MRTFB: variants seen among roughly 807,000 people sequenced by gnomAD.
MRTFB encodes myocardin related transcription factor B.
Under a neutral mutation model 104.2 loss-of-function variants are expected in MRTFB, and 29 were observed. The observed-to-expected ratio is 0.28, with a 90% CI of 0.21 to 0.38. MRTFB has a LOEUF of 0.38. MRTFB is among the 10% of genes least tolerant of loss of function. The pLI, the probability that MRTFB is intolerant of heterozygous loss-of-function variation, is 1.00. For synonymous variants in MRTFB, 535 were observed against 519.5 expected, an observed-to-expected ratio of 1.03 and a Z score of -0.41; for missense variants, 1,270 against 1,341.6, an observed-to-expected ratio of 0.95 and a Z score of 0.83.
Position 14,249,305 on chromosome 16 carries a change from C to T in MRTFB, c.2403+224C>T, listed in dbSNP as rs185945990. ...TCATTACTGAAAGATAGCTCGCCTT[C>T]GCAGTTAACCCCTTTTCCAAGGGAA... On this transcript the variant is annotated intron_variant, in intron 13 of 16. Transcript: ENST00000571589. 1.4e-3 allele frequency among the ~76,000 whole-genome samples: 212 copies of T among 152,286 alleles called. 1 individual carries two copies. Among genetic ancestry groups the T allele is most frequent in the African/African-American group, 4.4e-3 (182 of 41,554 alleles).
intron 3 of MRTFB, among the ~76,000 whole-genome samples, chr16:14,184,550 C>G (rs2039879792): frequency 6.6e-6 from 1 of 150,770 alleles, no homozygotes; most frequent in South Asian, 2.1e-4. Context: ...ATGTGTAGAT[C>G]AGGAAAATAA....
chr16:14,205,902 CATG>C (rs1400913380), intron 3 of MRTFB, among the ~76,000 whole-genome samples: 7 of 152,210 alleles, frequency 4.6e-5, no homozygotes, highest in African/African-American at 1.7e-4. Context: ...AGTTTTGACA[CATG>C]AGGCCATTGC....
At chr16:14,045,723 T>A in the MRTFB span, among the ~76,000 whole-genome samples, 1 of 152,230 alleles carries the variant, frequency 6.6e-6, no homozygotes, top group Admixed American at 6.5e-5. Flanking sequence ...GGAAATGACA[T>A]TAACCTCTGT....
At chr16:14,245,495 A>C (rs779670076) in intron 10 of MRTFB, 33 bp from the exon 11 acceptor site, 88 of 1,574,494 alleles carry the variant, frequency 5.6e-5, no homozygotes, top group Non-Finnish European at 7.1e-5. Flanking sequence ...AAATTATTTT[A>C]TTATAAACTC....
At chr16:14,195,879 A>C (rs2040410474) in intron 3 of MRTFB, among the ~76,000 whole-genome samples, 3 of 152,378 alleles carry the variant, frequency 2.0e-5, no homozygotes, top group African/African-American at 7.2e-5. Context: ...GGAATTTAGA[A>C]CTTTAAGGAT....
chr16:14,191,411 C>T (rs2040177550), intron 3 of MRTFB, among the ~76,000 whole-genome samples: 1 of 152,238 alleles, frequency 6.6e-6, no homozygotes, highest in African/African-American at 2.4e-5. Flanking sequence ...TTGATCCCAT[C>T]AGCTAATGAT....
At chr16:14,185,814 G>T (rs1362528813) in intron 3 of MRTFB, among the ~76,000 whole-genome samples, 2 of 152,164 alleles carry the variant, frequency 1.3e-5, no homozygotes, top group Non-Finnish European at 2.9e-5. Context: ...GATTATTTTG[G>T]CTACAGAGGT....
At chr16:14,129,524 G>T (rs1329075114) in intron 2 of MRTFB, among the ~76,000 whole-genome samples, 2 of 152,178 alleles carry the variant, frequency 1.3e-5, no homozygotes, top group African/African-American at 4.8e-5. Context: ...CAAATTTTCA[G>T]ATGGACATAT....
chr16:14,107,957 G>A (rs749535561), intron 2 of MRTFB, among the ~76,000 whole-genome samples: 3 of 152,130 alleles, frequency 2.0e-5, no homozygotes, highest in Non-Finnish European at 4.4e-5. Flanking sequence ...CTGAACTTTC[G>A]TTTCAGATAT....
chr16:14,029,420 ATAT>A, the MRTFB span, among the ~76,000 whole-genome samples: 13 of 41,690 alleles, frequency 3.1e-4, no homozygotes, highest in Non-Finnish European at 4.4e-4. Flanking sequence ...AAAAAAAAAA[ATAT>A]ATATATATAT....
chr16:14,067,580 C>T (rs1035812710), upstream of MRTFB, among the ~76,000 whole-genome samples: 11 of 152,076 alleles, frequency 7.2e-5, no homozygotes, highest in Non-Finnish European at 1.3e-4. Flanking sequence ...ATTTTTTCTT[C>T]GCTTTTATTT....
At chr16:14,157,476 G>A (rs1204838386) in intron 3 of MRTFB, among the ~76,000 whole-genome samples, 2 of 152,220 alleles carry the variant, frequency 1.3e-5, no homozygotes. Flanking sequence ...CTTGGGCCTA[G>A]TGGTTTAAGG....
the MRTFB span, among the ~76,000 whole-genome samples, chr16:14,057,791 G>C: frequency 6.6e-6 from 1 of 152,214 alleles, no homozygotes; most frequent in Non-Finnish European, 1.5e-5. Context: ...AGGCAAGATT[G>C]GCTCACTCTG....
rs1279731997 is a variant in MRTFB at position 14,261,089 on chromosome 16, T to C, written c.2945T>C (p.Leu982Pro). 1 of 1,614,132 alleles carries C rather than the reference T, an allele frequency of 6.2e-7. No homozygotes were observed. The highest frequency in any genetic ancestry group is 2.2e-5 in the East Asian group (1 of 44,876). ...TTATCTGCCAGCTTAGAGAACCAACTAGAAGCTTTCTTGGATGGAACTTTA... is the reference window on the plus strand; with the variant it reads ...TTATCTGCCAGCTTAGAGAACCAACCAGAAGCTTTCTTGGATGGAACTTTA... ...GSLSASLENQ[L>P]EAFLDGTLPS... Residue 982 changes from leucine to proline, a missense_variant, in exon 17 of 17, where the codon CTA becomes CCA. Around this residue, in one of 3 missense-constraint regions of MRTFB, gnomAD observed 1,144 missense variants for 1,131.5 expected, o/e 1.01. Transcript: ENST00000571589.
At chr16:14,104,240 C>T (rs1447093992) in intron 2 of MRTFB, among the ~76,000 whole-genome samples, 1 of 152,100 alleles carries the variant, frequency 6.6e-6, no homozygotes, top group Non-Finnish European at 1.5e-5. Context: ...TAGGAAGGAC[C>T]CCTAAAGGTG....
chr16:14,006,868 T>C, the MRTFB span, among the ~76,000 whole-genome samples: 15,520 of 151,888 alleles, frequency 0.1, 893 homozygotes, highest in African/African-American at 0.14. Context: ...ATAAACAAAA[T>C]TAGCTGGGTA....
the MRTFB span, among the ~76,000 whole-genome samples, chr16:14,033,724 T>C: frequency 6.6e-6 from 1 of 151,026 alleles, no homozygotes; most frequent in Admixed American, 6.6e-5. Flanking sequence ...GTAATCCCAG[T>C]TACTTGGGAG....
chr16:14,000,059 G>C, the MRTFB span, among the ~76,000 whole-genome samples: 1 of 152,198 alleles, frequency 6.6e-6, no homozygotes, highest in Admixed American at 6.5e-5. Context: ...AGGAGAGGGT[G>C]CCTGTTTCCA....
chr16:14,135,257 C>T (rs1281620677), intron 2 of MRTFB, among the ~76,000 whole-genome samples: 1 of 152,190 alleles, frequency 6.6e-6, no homozygotes, highest in Non-Finnish European at 1.5e-5. Flanking sequence ...TTAATCTTTA[C>T]CTTGCAAATG....
Sources: gnomAD v4.1 joint callset for allele counts (sites outside exome capture counted in the v4.1 genomes callset) on GRCh38, gnomAD v4.1.1 for gene constraint, gnomAD v4.1.1 regional missense constraint, MANE v1.5 for transcripts, NCBI Gene and HGNC (gene_info 2026-07-23, HGNC 2026-07-21) for gene names.